The following GLRX variants were observed in gnomAD, a reference collection of about 807,000 sequenced individuals.
GLRX encodes the protein glutaredoxin.
In GLRX, 9 loss-of-function variants were observed where a neutral mutation model predicts 11.1. The observed-to-expected ratio is 0.81, with a 90% CI of 0.49 to 1.42. The LOEUF (loss-of-function observed/expected upper bound fraction) is 1.42, where lower values mean the gene tolerates loss of function less well. Ranked by LOEUF, GLRX falls within the 40% of genes most tolerant of loss-of-function variation. GLRX has a pLI of 0.00. For missense variants in GLRX, 102 were observed against 126.2 expected (o/e 0.81, Z 0.92); for synonymous variants, 49 against 49.5 (o/e 0.99, Z 0.04).
At chr5:95,822,322 CACA>C in intron 1 of GLRX, 131 bp downstream of exon 1, 5 of 674,022 alleles carry the variant, frequency 7.4e-6, no homozygotes, top group East Asian at 2.8e-5. Context: ...CGCCCTCCCC[CACA>C]CCCCCCGCCC....
intron 2 of GLRX, chr5:95,815,040 TAA>T (rs1299483912): frequency 6.5e-6 from 1 of 152,696 alleles, no homozygotes; most frequent in Admixed American, 6.5e-5. Context: ...ACCTGCCATT[TAA>T]ACACACTCTG....
In GLRX at chr5:95,822,250, C is replaced by T. The variant is rs559381142; in HGVS notation, c.207+206G>A. On this transcript the variant is annotated intron_variant, in intron 1 of 2. Transcript: ENST00000237858. ...ACATCAGCTGTACTCCCTCTTCTGC[C>T]CCGTGAAGACCTTTGGCTGCAGTGC... The T allele has an allele frequency of 1.9e-3, 1,131 of 595,834 alleles. 5 individuals carry two copies. Among genetic ancestry groups the T allele is most frequent in the Non-Finnish European group, 2.7e-3 (899 of 334,824 alleles). 36.9% of individuals were successfully genotyped at this position (595,834 alleles called of 1,614,324 possible).
chr5:95,815,610 G>A (rs978811524), intron 2 of GLRX, among the ~76,000 whole-genome samples: 1 of 152,202 alleles, frequency 6.6e-6, no homozygotes, highest in Non-Finnish European at 1.5e-5. Flanking sequence ...TCTCTGAATT[G>A]GCCTGCTTGG....
intron 1 of GLRX, chr5:95,816,849 A>G (rs929904981): frequency 2.0e-5 from 8 of 393,554 alleles, no homozygotes; most frequent in African/African-American, 6.2e-5. Context: ...TGTGCTATGC[A>G]TGAGCTTGTC....
chr5:95,815,231 T>C (rs370471944), intron 2 of GLRX, among the ~76,000 whole-genome samples: 3 of 152,006 alleles, frequency 2.0e-5, no homozygotes, highest in Admixed American at 2.0e-4. Context: ...AATCTAAGCC[T>C]AAATTGCTAA....
chr5:95,819,909 A>AAAC (rs1320620036), intron 1 of GLRX, among the ~76,000 whole-genome samples: 4 of 147,834 alleles, frequency 2.7e-5, no homozygotes, highest in Admixed American at 6.6e-5. Context: ...AAAAAAAAAA[A>AAAC]AAAAAAAAAA....
intron 1 of GLRX, among the ~76,000 whole-genome samples, chr5:95,819,864 A>C (rs1747151554): frequency 7.9e-6 from 1 of 126,536 alleles, no homozygotes; most frequent in Non-Finnish European, 1.6e-5. Flanking sequence ...GCGCCATTGC[A>C]CTCCAGCCTG....
At chr5:95,818,194 C>G (rs570860662) in intron 1 of GLRX, 3 of 152,142 alleles carry the variant, frequency 2.0e-5, no homozygotes, top group African/African-American at 7.2e-5. Flanking sequence ...CTCCTTTACC[C>G]TCACACCCAT....
chr5:95,822,408 A>G lies in GLRX; in HGVS notation c.207+48T>C, dbSNP rs1362175527. On this transcript the variant is annotated intron_variant, in intron 1 of 2. Coordinates refer to ENST00000237858, the MANE Select transcript of GLRX (RefSeq NM_001118890.2). ...TAAAGAAAGGCACAGCTCTGACAAG[A>G]AAAGGCAATCCGGGAGCCTTTCCCT... 3 of 1,462,006 alleles carry G rather than the reference A, an allele frequency of 2.1e-6. No homozygotes were observed. The African/African-American group carries it at 4.2e-5, about 20-fold the overall frequency. 90.6% of individuals were successfully genotyped at this position (1,462,006 alleles called of 1,614,324 possible).
intron 1 of GLRX, 161 bp downstream of exon 1, chr5:95,822,295 C>G (rs1312448231): frequency 9.6e-6 from 6 of 623,556 alleles, no homozygotes; most frequent in Non-Finnish European, 1.7e-5. Context: ...TTCAAGTGAC[C>G]GAGATCCTCT....
intron 1 of GLRX, among the ~76,000 whole-genome samples, chr5:95,820,813 AG>A (rs1747205633): frequency 1.3e-5 from 2 of 151,956 alleles, no homozygotes; most frequent in South Asian, 4.2e-4. Context: ...GGAATCCCCA[AG>A]GGATTTTTCC....
intron 1 of GLRX, among the ~76,000 whole-genome samples, chr5:95,820,018 G>A (rs372719247): frequency 2.0e-5 from 3 of 151,696 alleles, no homozygotes; most frequent in Non-Finnish European, 2.9e-5. Flanking sequence ...TAGGAGGAAT[G>A]CACTCAGAAT....
chr5:95,815,575 G>T (rs775738172), intron 2 of GLRX, among the ~76,000 whole-genome samples: 1 of 152,178 alleles, frequency 6.6e-6, no homozygotes, highest in Non-Finnish European at 1.5e-5. Flanking sequence ...AACTAAAGCA[G>T]CATTTACATC....
At chr5:95,814,664 A>C (rs181120744) in intron 2 of GLRX, 1 of 152,554 alleles carries the variant, frequency 6.6e-6, no homozygotes, top group African/African-American at 2.4e-5. Flanking sequence ...ACATGCCGAC[A>C]CATGGAGAAC....
At chr5:95,816,697 A>C (rs1269852250) in intron 1 of GLRX, 71 bp from the exon 2 acceptor site, 1 of 830,220 alleles carries the variant, frequency 1.2e-6, no homozygotes, top group African/African-American at 1.7e-5. Flanking sequence ...CCTACCACTA[A>C]ATATTTCCCG....
At chr5:95,816,681 T>C in intron 1 of GLRX, 55 bp from the exon 2 acceptor site, 1 of 888,922 alleles carries the variant, frequency 1.1e-6, no homozygotes, top group South Asian at 1.3e-5. Flanking sequence ...GACAGAACAT[T>C]TCTATCCTAC....
intron 1 of GLRX, among the ~76,000 whole-genome samples, chr5:95,820,350 CT>C (rs1292857478): frequency 1.9e-5 from 1 of 54,016 alleles, no homozygotes; most frequent in Non-Finnish European, 3.6e-5. Context: ...GACTCTGTCT[CT>C]TAAAAAAAAA....
rs1334355263 is a variant in GLRX, at chr5:95,816,591, G to A, written c.243C>T (p.Gly81=). The stretch of plus-strand genomic sequence containing the variant: ...GCAAAGAGACTAGATCACTGCATCC[G>A]CCTATACAATCTTTACCAATAAAGA... ...PRVFIGKDCI[G]GCSDLVSLQQ... is the part of the protein sequence containing the mutation. Residue 81 remains glycine, a synonymous_variant, in exon 2 of 3, where the codon GGC becomes GGT. Transcript: ENST00000237858. 8 of 1,607,358 alleles carry A rather than the reference G, an allele frequency of 5.0e-6. No homozygotes were observed. Among genetic ancestry groups the A allele is most frequent in the Admixed American group, 1.7e-5 (1 of 59,992 alleles).
chr5:95,822,237 C>T (rs1747267317), intron 1 of GLRX: 2 of 583,708 alleles, frequency 3.4e-6, no homozygotes, highest in South Asian at 4.0e-5. Flanking sequence ...ATCAGCTGTA[C>T]TCCCTCTTCT....
Sources: gnomAD v4.1 joint callset for allele counts (sites outside exome capture counted in the v4.1 genomes callset) on GRCh38, gnomAD v4.1.1 for gene constraint, MANE v1.5 for transcripts, NCBI Gene and HGNC (gene_info 2026-07-23, HGNC 2026-07-21) for gene names.